The following MSI2 variants were observed in gnomAD, a reference collection of about 807,000 sequenced individuals.
MSI2 encodes the protein musashi RNA binding protein 2.
MSI2 carries 17 observed loss-of-function variants against 45.6 expected under a neutral mutation model. The observed-to-expected ratio is 0.37, with a 90% confidence interval of 0.26 to 0.56. The LOEUF (loss-of-function observed/expected upper bound fraction) is 0.56, where lower values mean the gene tolerates loss of function less well. MSI2 is among the 20% of genes least tolerant of loss of function. The pLI is 0.77. For synonymous variants in MSI2, 156 were observed against 158.2 expected (o/e 0.99, Z 0.11); for missense variants, 293 against 444.2 (o/e 0.66, Z 3.06).
intron 5 of MSI2, among the ~76,000 whole-genome samples, chr17:57,345,301 T>C (rs1350212107): frequency 6.6e-6 from 1 of 152,174 alleles, no homozygotes; most frequent in Non-Finnish European, 1.5e-5. Flanking sequence ...TTATTTAATA[T>C]ATGGGACATT....
At chr17:57,591,409 G>A (rs780438383) in intron 7 of MSI2, among the ~76,000 whole-genome samples, 3 of 152,196 alleles carry the variant, frequency 2.0e-5, no homozygotes, top group Non-Finnish European at 4.4e-5. Context: ...CCACTTATAT[G>A]AGAAAATTCA....
At chr17:57,544,888 T>G (rs1026364178) in intron 7 of MSI2, among the ~76,000 whole-genome samples, 10 of 152,250 alleles carry the variant, frequency 6.6e-5, no homozygotes, top group Non-Finnish European at 5.9e-5. Flanking sequence ...CTTTTCATTT[T>G]GTTAACTGTT....
At chr17:57,570,136 A>T (rs566103303) in intron 7 of MSI2, among the ~76,000 whole-genome samples, 1 of 152,368 alleles carries the variant, frequency 6.6e-6, no homozygotes, top group East Asian at 1.9e-4. Context: ...CCGATGACAT[A>T]GTATTGCACA....
At chr17:57,310,352 G>A (rs529788488) in intron 5 of MSI2, among the ~76,000 whole-genome samples, 2 of 147,336 alleles carry the variant, frequency 1.4e-5, no homozygotes, top group South Asian at 2.1e-4. Context: ...TTTTTTTTCC[G>A]AGTTGGAATC....
chr17:57,256,560 T>G lies in MSI2; in HGVS notation c.-183T>G. On this transcript the variant is annotated 5_prime_UTR_variant, in exon 1 of 14. Coordinates refer to ENST00000284073, the MANE Select transcript of MSI2 (RefSeq NM_138962.4). The stretch of plus-strand genomic sequence containing the variant: ...GGGGCTGAGCTAAGCCGAGCCCACG[T>G]GTGACGGCTCTCGCCGCTGCCCCGG... 1.5e-5 allele frequency: 4 copies of G among 271,500 alleles called. No homozygotes were observed. Among genetic ancestry groups the G allele is most frequent in the East Asian group, 5.7e-5 (1 of 17,622 alleles). 16.8% of individuals were successfully genotyped at this position (271,500 alleles called of 1,614,324 possible). A position where few individuals can be genotyped will look rare whatever the true frequency, so the allele number is the denominator to read the frequency against.
chr17:57,460,923 G>A (rs1212658154), intron 6 of MSI2, among the ~76,000 whole-genome samples: 1 of 152,228 alleles, frequency 6.6e-6, no homozygotes, highest in Non-Finnish European at 1.5e-5. Context: ...GGCAGGAGCT[G>A]TGTGTCTTCC....
chr17:57,599,837 T>G (rs918789683), intron 8 of MSI2, among the ~76,000 whole-genome samples: 3 of 152,178 alleles, frequency 2.0e-5, no homozygotes, highest in Admixed American at 1.3e-4. Context: ...GTAATGATAC[T>G]GCCTCATTGG....
intron 6 of MSI2, among the ~76,000 whole-genome samples, chr17:57,471,440 G>A (rs1307483700): frequency 6.6e-6 from 1 of 151,906 alleles, no homozygotes; most frequent in Non-Finnish European, 1.5e-5. Flanking sequence ...ACAGGCGGCT[G>A]CCACCATGCC....
chr17:57,498,907 TCCCTCCC>T (rs1156277244), intron 6 of MSI2, among the ~76,000 whole-genome samples: 1 of 128,220 alleles, frequency 7.8e-6, no homozygotes, highest in Non-Finnish European at 1.6e-5. Flanking sequence ...CCTAATGCTG[TCCCTCCC>T]CCCTCCCCCC....
intron 8 of MSI2, among the ~76,000 whole-genome samples, chr17:57,597,462 C>T (rs1402728700): frequency 1.8e-5 from 1 of 54,272 alleles, no homozygotes; most frequent in African/African-American, 8.2e-5. Context: ...CAGACCTCAT[C>T]TCTTAAAAAA....
chr17:57,470,939 GCAGTTCC>G (rs199876602), intron 6 of MSI2, among the ~76,000 whole-genome samples: 1,548 of 152,318 alleles, frequency 0.01, 38 homozygotes, highest in African/African-American at 0.036. Flanking sequence ...AGTAAAGCGA[GCAGTTCC>G]TGCTCTGGAG....
chr17:57,291,839 A>AGCCTTCTACAGC (rs1910446638), intron 5 of MSI2, among the ~76,000 whole-genome samples: 1 of 151,910 alleles, frequency 6.6e-6, no homozygotes, highest in Admixed American at 6.6e-5. Context: ...TGAAGACCCC[A>AGCCTTCTACAGC]CTGTCTACAG....
Position 57,257,555 on chromosome 17 carries a change from A to G in MSI2, c.185+8A>G, listed in dbSNP as rs1423279369. Reference sequence around the variant, plus strand: ...CACTACGAAACGCTCCAGGTAAACCATTCCCTTCTGGATTTTGTCTTTATT... The same window carrying G: ...CACTACGAAACGCTCCAGGTAAACCGTTCCCTTCTGGATTTTGTCTTTATT... On this transcript the variant is annotated splice_region_variant and intron_variant, in intron 3 of 13. Coordinates refer to ENST00000284073, the MANE Select transcript of MSI2 (RefSeq NM_138962.4). 1 of 1,566,292 alleles carries G rather than the reference A, an allele frequency of 6.4e-7. No individual in the cohort carries two copies. Among genetic ancestry groups the G allele is most frequent in the African/African-American group, 1.4e-5 (1 of 73,734 alleles).
At chr17:57,621,930 G>A (rs957477579) in intron 9 of MSI2, among the ~76,000 whole-genome samples, 1 of 152,254 alleles carries the variant, frequency 6.6e-6, no homozygotes, top group Non-Finnish European at 1.5e-5. Context: ...TTGCAGGTCA[G>A]TGCAGTGGCT....
At chr17:57,633,534 C>T (rs1031501000) in intron 10 of MSI2, among the ~76,000 whole-genome samples, 6 of 152,272 alleles carry the variant, frequency 3.9e-5, no homozygotes, top group African/African-American at 1.4e-4. Flanking sequence ...TACCCTCGCG[C>T]CCACGGGCCT....
At chr17:57,522,531 T>TCA (rs2086612265) in intron 6 of MSI2, 1 of 152,198 alleles carries the variant, frequency 6.6e-6, no homozygotes, top group South Asian at 2.1e-4. Flanking sequence ...TGGAGCAGCC[T>TCA]CACAGCACAG....
At chr17:57,462,890 A>G (rs1170765675) in intron 6 of MSI2, among the ~76,000 whole-genome samples, 2 of 152,228 alleles carry the variant, frequency 1.3e-5, no homozygotes, top group Admixed American at 1.3e-4. Context: ...CATACACACA[A>G]GCACTCAGAC....
At chr17:57,373,679 G>A (rs1010346574) in intron 5 of MSI2, among the ~76,000 whole-genome samples, 1 of 152,308 alleles carries the variant, frequency 6.6e-6, no homozygotes, top group Non-Finnish European at 1.5e-5. Context: ...ACCAAATTGG[G>A]AAGATGGTGC....
At chr17:57,524,838 A>C (rs2086663948) in intron 6 of MSI2, among the ~76,000 whole-genome samples, 1 of 152,220 alleles carries the variant, frequency 6.6e-6, no homozygotes, top group South Asian at 2.1e-4. Context: ...GTGTATGTTA[A>C]AGAGGAAGAA....
Sources: gnomAD v4.1 joint callset for allele counts (sites outside exome capture counted in the v4.1 genomes callset) on GRCh38, gnomAD v4.1.1 for gene constraint, MANE v1.5 for transcripts, NCBI Gene and HGNC (gene_info 2026-07-23, HGNC 2026-07-21) for gene names.